The following PARP15 variants were observed in gnomAD, a reference collection of about 807,000 sequenced individuals.
PARP15 encodes the protein poly(ADP-ribose) polymerase family member 15.
PARP15 carries 50 observed loss-of-function variants against 62.1 expected under a neutral mutation model. That is an observed-to-expected ratio of 0.81 (90% CI 0.64 to 1.02). The LOEUF is 1.02. Among genes scored for constraint, PARP15 ranks in the 50% least tolerant of loss-of-function variants. PARP15 has a pLI of 0.00. For missense variants in PARP15, 820 were observed against 826.5 expected, an observed-to-expected ratio of 0.99 and a Z score of 0.10; for synonymous variants, 309 against 293.1, an observed-to-expected ratio of 1.05 and a Z score of -0.55.
chr3:122,595,126 T>C (rs900502762), intron 1 of PARP15, among the ~76,000 whole-genome samples: 5 of 152,202 alleles, frequency 3.3e-5, no homozygotes, highest in Admixed American at 6.5e-5. Context: ...GTGAATTAAC[T>C]CAAGCTTTGA....
At chr3:122,604,786 G>T (rs546602713) in intron 1 of PARP15, among the ~76,000 whole-genome samples, 2 of 152,122 alleles carry the variant, frequency 1.3e-5, no homozygotes, top group Non-Finnish European at 1.5e-5. Flanking sequence ...ACTTGAACCC[G>T]GGAGGCAGAG....
At chr3:122,615,140 C>T (rs1935868432) in intron 4 of PARP15, 1 of 1,124,176 alleles carries the variant, frequency 8.9e-7, no homozygotes. Context: ...TGAAGACAAC[C>T]CAAGTGAAAC....
chr3:122,600,321 G>T (rs1424702649), intron 1 of PARP15, among the ~76,000 whole-genome samples: 1 of 151,998 alleles, frequency 6.6e-6, no homozygotes, highest in African/African-American at 2.4e-5. Context: ...TCTATCTTCT[G>T]CTTGCCTGGG....
intron 8 of PARP15, among the ~76,000 whole-genome samples, chr3:122,623,648 C>G (rs534882826): frequency 2.0e-5 from 3 of 152,224 alleles, no homozygotes; most frequent in African/African-American, 7.2e-5. Context: ...GCTTGTGCCA[C>G]ACCTCTTCGA....
Position 122,596,173 on chromosome 3 carries a change from A to G in PARP15, c.187-9763A>G, listed in dbSNP as rs190516890. Among the ~76,000 whole-genome samples, 1,399 of 151,950 alleles carry G rather than the reference A, an allele frequency of 9.2e-3. 14 individuals are homozygous for G. The highest frequency in any genetic ancestry group is 0.014 in the Non-Finnish European group (977 of 67,952). On this transcript the variant is annotated intron_variant, in intron 1 of 11. Transcript: ENST00000464300. ...GGAGATCAAGACCATCCTGGCCAAC[A>G]TGGTGAAACCCGTCTCTACTAAAAA...
chr3:122,614,498 A>C (rs1935806089), intron 4 of PARP15, among the ~76,000 whole-genome samples: 2 of 152,216 alleles, frequency 1.3e-5, no homozygotes, highest in African/African-American at 4.8e-5. Context: ...AATAATAATA[A>C]TATTTTAAAA....
At chr3:122,602,355 C>T (rs144832648) in intron 1 of PARP15, among the ~76,000 whole-genome samples, 30 of 152,120 alleles carry the variant, frequency 2.0e-4, no homozygotes, top group African/African-American at 6.0e-4. Flanking sequence ...CTCCCTTGCC[C>T]CTAGGAGGGA....
At chr3:122,588,663 T>C (rs1199537324) in intron 1 of PARP15, among the ~76,000 whole-genome samples, 1 of 151,970 alleles carries the variant, frequency 6.6e-6, no homozygotes, top group Non-Finnish European at 1.5e-5. Flanking sequence ...CTCTAAAAAA[T>C]AAAAATAAAT....
intron 1 of PARP15, among the ~76,000 whole-genome samples, chr3:122,595,617 T>C (rs1934274845): frequency 1.3e-5 from 2 of 152,168 alleles, no homozygotes; most frequent in Admixed American, 1.3e-4. Flanking sequence ...TAGCACGATC[T>C]TGGCCCACTG....
chr3:122,629,585 G>A (rs148539156), intron 9 of PARP15, among the ~76,000 whole-genome samples: 176 of 152,304 alleles, frequency 1.2e-3, no homozygotes, highest in Non-Finnish European at 1.7e-3. Context: ...CACGGACTGG[G>A]TTATGAAGGG....
intron 10 of PARP15, 35 bp from the exon 11 acceptor site, chr3:122,634,985 C>A: frequency 6.2e-7 from 1 of 1,605,252 alleles, no homozygotes; most frequent in South Asian, 1.1e-5. Context: ...GCCCCAAGGT[C>A]CTTTCTGAAA....
chr3:122,606,689 C>A (rs1403505792), intron 2 of PARP15, among the ~76,000 whole-genome samples: 3 of 152,166 alleles, frequency 2.0e-5, no homozygotes, highest in Non-Finnish European at 2.9e-5. Context: ...CCAGGCCCCA[C>A]CCCTAGAGAT....
At chr3:122,591,427 C>A (rs933055745) in intron 1 of PARP15, among the ~76,000 whole-genome samples, 1 of 152,188 alleles carries the variant, frequency 6.6e-6, no homozygotes, top group Non-Finnish European at 1.5e-5. Context: ...ATTGTGACTT[C>A]AGGGTGGGAG....
chr3:122,591,764 C>CAAAA (rs66536667), intron 1 of PARP15, among the ~76,000 whole-genome samples: 64,187 of 103,000 alleles, frequency 0.62, 21,797 homozygotes, highest in East Asian at 0.85. Context: ...GACTCTGTCT[C>CAAAA]AAAAAAAAAA....
At chr3:122,604,729 C>T (rs1344553386) in intron 1 of PARP15, among the ~76,000 whole-genome samples, 1 of 152,068 alleles carries the variant, frequency 6.6e-6, no homozygotes, top group East Asian at 1.9e-4. Context: ...GGAGTGGTGG[C>T]GAGTGCCTGT....
At chr3:122,596,575 C>T (rs922681299) in intron 1 of PARP15, among the ~76,000 whole-genome samples, 4 of 152,064 alleles carry the variant, frequency 2.6e-5, no homozygotes, top group Admixed American at 2.0e-4. Context: ...AAATCCTGTT[C>T]ACCTTCAAGA....
chr3:122,600,792 C>CCCT (rs527288579), intron 1 of PARP15, among the ~76,000 whole-genome samples: 2 of 144,160 alleles, frequency 1.4e-5, no homozygotes, highest in South Asian at 4.3e-4. Flanking sequence ...TCATTATTAC[C>CCCT]TTTTTTTTTT....
chr3:122,598,237 T>C (rs927041075), intron 1 of PARP15, among the ~76,000 whole-genome samples: 3 of 152,242 alleles, frequency 2.0e-5, no homozygotes, highest in African/African-American at 7.2e-5. Context: ...TATTTTTACT[T>C]TTCTATTGCT....
intron 7 of PARP15, among the ~76,000 whole-genome samples, 185 bp downstream of exon 7, chr3:122,620,028 C>T (rs1936241578): frequency 6.6e-6 from 1 of 152,090 alleles, no homozygotes; most frequent in African/African-American, 2.4e-5. Flanking sequence ...GGTTCTTCAT[C>T]CCACCATCTC....
Sources: allele counts gnomAD v4.1 joint callset (sites outside exome capture counted in the v4.1 genomes callset), GRCh38; gene constraint gnomAD v4.1.1; transcripts MANE v1.5; gene names NCBI Gene and HGNC (gene_info 2026-07-23, HGNC 2026-07-21).